Variants in ARID1A observed in about 807,000 individuals in gnomAD.
ARID1A encodes AT-rich interaction domain 1A, also known as AT-rich interactive domain-containing protein 1A.
Under a neutral mutation model 212.6 loss-of-function variants are expected in ARID1A, and 20 were observed. That is an observed-to-expected ratio of 0.09 (90% confidence interval 0.07 to 0.14). The LOEUF is 0.14. ARID1A is among the 10% of genes least tolerant of loss of function. The probability of loss-of-function intolerance (pLI) is 1.00; values close to 1 mark genes in which losing one functional copy is unlikely to be tolerated. For synonymous variants in ARID1A, 1,376 were observed against 1,222.1 expected (o/e 1.13, Z -2.63); for missense variants, 2,587 against 3,059.0 (o/e 0.85, Z 3.64).
chr1:26,750,078 T>C (rs961301749), intron 4 of ARID1A, among the ~76,000 whole-genome samples: 3 of 152,168 alleles, frequency 2.0e-5, no homozygotes, highest in Admixed American at 2.0e-4. Context: ...CACAGGCTAG[T>C]GGAGAAAAAG....
chr1:26,777,635 A>G (rs539455598), intron 19 of ARID1A, among the ~76,000 whole-genome samples: 7 of 152,196 alleles, frequency 4.6e-5, no homozygotes, highest in African/African-American at 1.4e-4. Context: ...CAACCTTCCA[A>G]AGTGTTGGGA....
chr1:26,777,104 A>C (rs1332207015), intron 19 of ARID1A, among the ~76,000 whole-genome samples: 1 of 152,170 alleles, frequency 6.6e-6, no homozygotes, highest in Admixed American at 6.5e-5. Flanking sequence ...AGACTCTGGC[A>C]CCTAGGCTGG....
At chr1:26,751,267 C>T (rs909593493) in intron 4 of ARID1A, among the ~76,000 whole-genome samples, 1 of 151,484 alleles carries the variant, frequency 6.6e-6, no homozygotes, top group African/African-American at 2.4e-5. Context: ...AAAAAAAGGA[C>T]AGGGGAACAC....
rs1270640436 is a variant in ARID1A at position 26,696,443 on chromosome 1, G to A, written c.40G>A (p.Gly14Ser). 7.7e-7 allele frequency: 1 copy of A among 1,292,406 alleles called. No individual in the cohort carries two copies. Among genetic ancestry groups the A allele is most frequent in the Non-Finnish European group, 9.8e-7 (1 of 1,021,160 alleles). The allele number at this position is 1,292,406 out of a possible 1,614,324, so 80.1% of individuals were successfully genotyped here. ...CGCCCCCGCCGCCGCCAGCAGCCTG[G>A]GCAACCCGCCGCCGCCGCCGCCCTC... ...QVAPAAASSL[G>S]NPPPPPPSEL... Residue 14 changes from glycine to serine, a missense_variant, in exon 1 of 20, where the codon GGC (glycine) becomes AGC (serine). Coordinates refer to ENST00000324856, the MANE Select transcript of ARID1A (RefSeq NM_006015.6).
rs200739025 is a variant in ARID1A at position 26,773,822 on chromosome 1, A to G, written c.4025A>G (p.Gln1342Arg). 1 of 1,614,046 alleles carries G rather than the reference A, an allele frequency of 6.2e-7. No individual in the cohort carries two copies. The highest frequency in any genetic ancestry group is 8.5e-7 in the Non-Finnish European group (1 of 1,180,032). Residue 1342 changes from glutamine (Q) to arginine (R), a missense_variant, in exon 17 of 20, where the codon CAG becomes CGG. Gln to Arg is a conservative substitution (Grantham distance 43). Around this residue, in one of 11 missense-constraint regions of ARID1A, gnomAD observed 890 missense variants for 1,098.2 expected, o/e 0.81. Transcript: ENST00000324856. Reference protein sequence around the residue: ...QQQRHDSYGNQFSTQGTPSGS... With the variant: ...QQQRHDSYGNRFSTQGTPSGS... ...TATAGACATGATTCCTATGGCAATC[A>G]GTTCTCCACCCAAGGCACCCCTTCT...
chr1:26,697,132 G>T lies in ARID1A; in HGVS notation c.729G>T (p.Ala243=). 1 of 1,435,592 alleles carries T rather than the reference G, an allele frequency of 7.0e-7. No homozygotes were observed. The highest frequency in any genetic ancestry group is 9.1e-7 in the Non-Finnish European group (1 of 1,098,296). 88.9% of individuals were successfully genotyped at this position (1,435,592 alleles called of 1,614,324 possible). Residue 243 remains alanine (A), a synonymous_variant, in exon 1 of 20, where the codon GCG becomes GCT. Transcript: ENST00000324856. ...SPRGGTPGSG[A]AAAAGSKPPP... ...GAGGTGGCACTCCGGGCTCCGGCGCGGCGGCGGCTGCCGGCTCCAAGCCGC... is the reference window on the plus strand; with the variant it reads ...GAGGTGGCACTCCGGGCTCCGGCGCTGCGGCGGCTGCCGGCTCCAAGCCGC...
Position 26,779,615 on chromosome 1 carries a change from G to A in ARID1A, c.5717G>A (p.Arg1906Gln), listed in dbSNP as rs41303631. ...CCACCTGATGGACCTCCAGAAAAAC[G>A]GATCACAGCCACTATGGATGACATG... ...GPPPDGPPEK[R>Q]ITATMDDMLS... Residue 1906 changes from arginine (R) to glutamine (Q), a missense_variant, in exon 20 of 20, where the codon CGG becomes CAG. Physicochemically the swap from Arg to Gln is conservative, Grantham distance 43 (BLOSUM62 1). Coordinates refer to ENST00000324856, the MANE Select transcript of ARID1A (RefSeq NM_006015.6). The A allele has an allele frequency of 2.2e-3, 3,525 of 1,614,074 alleles. 7 individuals carry two copies. The highest frequency in any genetic ancestry group is 2.7e-3 in the Non-Finnish European group (3,213 of 1,180,020).
intron 1 of ARID1A, among the ~76,000 whole-genome samples, chr1:26,727,182 A>G (rs1042774366): frequency 2.6e-5 from 4 of 152,204 alleles, no homozygotes; most frequent in Non-Finnish European, 5.9e-5. Flanking sequence ...TAAAGAACTG[A>G]TGTGTTCAAG....
At chr1:26,767,710 C>G (rs1176606077) in intron 10 of ARID1A, 80 bp from the exon 11 acceptor site, 4 of 1,349,796 alleles carry the variant, frequency 3.0e-6, no homozygotes, top group Non-Finnish European at 4.1e-6. Context: ...TAACACTGCT[C>G]CAGTCAAGAG....
chr1:26,733,775 T>C (rs1486364249), intron 4 of ARID1A, among the ~76,000 whole-genome samples: 1 of 152,238 alleles, frequency 6.6e-6, no homozygotes, highest in African/African-American at 2.4e-5. Flanking sequence ...TTCAGCCACA[T>C]ACCCAGATAA....
chr1:26,740,015 A>C (rs867655642), intron 4 of ARID1A, among the ~76,000 whole-genome samples: 4 of 151,944 alleles, frequency 2.6e-5, no homozygotes, highest in African/African-American at 9.7e-5. Flanking sequence ...GAAAAAAAAA[A>C]CCTGGCCAAG....
chr1:26,730,237 A>G (rs1428381147), intron 2 of ARID1A, among the ~76,000 whole-genome samples: 1 of 152,224 alleles, frequency 6.6e-6, no homozygotes, highest in African/African-American at 2.4e-5. Context: ...GAGGCCCTTT[A>G]TGCTTCTGAA....
At chr1:26,711,711 T>C (rs1467462515) in intron 1 of ARID1A, among the ~76,000 whole-genome samples, 1 of 152,176 alleles carries the variant, frequency 6.6e-6, no homozygotes, top group Non-Finnish European at 1.5e-5. Context: ...CTCTTTCTCT[T>C]AGTTCTTCGG....
intron 19 of ARID1A, among the ~76,000 whole-genome samples, chr1:26,777,794 G>T (rs551393118): frequency 4.5e-4 from 68 of 152,186 alleles, no homozygotes; most frequent in East Asian, 9.7e-4. Flanking sequence ...TAGGCTGGGC[G>T]CAGTGGCTCA....
Position 26,773,633 on chromosome 1 carries a change from C to T in ARID1A, c.3920C>T (p.Pro1307Leu), listed in dbSNP as rs1398628888. Reference protein sequence around the residue: ...EGNMSTGAPQPNLMPSNPDSG... With the variant: ...EGNMSTGAPQLNLMPSNPDSG... ...AACATGAGCACTGGGGCCCCACAGCCGAATCTCATGCCTTCCAACCCAGAC... is the reference window on the plus strand; with the variant it reads ...AACATGAGCACTGGGGCCCCACAGCTGAATCTCATGCCTTCCAACCCAGAC... The change falls in exon 16 of 20, where the codon CCG becomes CTG. Residue 1307 changes from proline to leucine, a missense_variant. Physicochemically the swap from Pro to Leu is moderately conservative, Grantham distance 98 (BLOSUM62 -3). Transcript: ENST00000324856. 6.8e-6 allele frequency: 11 copies of T among 1,614,170 alleles called. No individual in the cohort carries two copies. The highest frequency in any genetic ancestry group is 2.2e-5 in the East Asian group (1 of 44,884).
chr1:26,774,748 T>C lies in ARID1A; in HGVS notation c.4521T>C (p.Asn1507=). ...MWQGRNDMTY[N]YANRQSTGSA... ...AGGGGCGTAATGACATGACCTATAA[T>C]TATGCCAACAGGCAGAGCACGGGCT... Residue 1507 remains asparagine (N), a synonymous_variant, in exon 18 of 20, where the codon AAT becomes AAC. Coordinates refer to ENST00000324856, the MANE Select transcript of ARID1A (RefSeq NM_006015.6). The surrounding 1 kb of genome is among the most constrained non-coding windows in gnomAD (Gnocchi z 5.6). 1 of 1,614,194 alleles carries C rather than the reference T, an allele frequency of 6.2e-7. No individual in the cohort carries two copies.
At chr1:26,729,618 G>A (rs902437009) in intron 1 of ARID1A, 33 bp from the exon 2 acceptor site, 2 of 1,609,782 alleles carry the variant, frequency 1.2e-6, no homozygotes, top group South Asian at 2.2e-5. Context: ...GGCCATCAAA[G>A]CTCAGGTTAA....
chr1:26,739,204 C>T (rs2080763209), intron 4 of ARID1A, among the ~76,000 whole-genome samples: 1 of 152,178 alleles, frequency 6.6e-6, no homozygotes, highest in Non-Finnish European at 1.5e-5. Flanking sequence ...TGTAACTTTT[C>T]TTACTGAGAC....
At chr1:26,713,459 A>G (rs188560954) in intron 1 of ARID1A, among the ~76,000 whole-genome samples, 1 of 151,814 alleles carries the variant, frequency 6.6e-6, no homozygotes, top group East Asian at 1.9e-4. Flanking sequence ...CCTGGGTTCA[A>G]GCAATTCTCT....
Sources: gnomAD v4.1 joint callset for allele counts (sites outside exome capture counted in the v4.1 genomes callset) on GRCh38, gnomAD v4.1.1 for gene constraint, gnomAD v4.1.1 regional missense constraint, Gnocchi (gnomAD v3.1) non-coding constraint, MANE v1.5 for transcripts, NCBI Gene and HGNC (gene_info 2026-07-23, HGNC 2026-07-21) for gene names.